FRMD3: variants seen among roughly 807,000 people sequenced by gnomAD.
The protein encoded by FRMD3 is FERM domain-containing protein 3.
In FRMD3, 33 loss-of-function variants were observed where a neutral mutation model predicts 70.2. The observed-to-expected ratio is 0.47, with a 90% CI of 0.36 to 0.63. The LOEUF (loss-of-function observed/expected upper bound fraction) is 0.63. FRMD3 is among the 20% of genes least tolerant of loss of function. FRMD3 has a pLI of 0.00. For missense variants in FRMD3, 632 were observed against 711.4 expected, an observed-to-expected ratio of 0.89 and a Z score of 1.27; for synonymous variants, 279 against 255.9, an observed-to-expected ratio of 1.09 and a Z score of -0.86.
the FRMD3 span, among the ~76,000 whole-genome samples, chr9:83,554,291 T>C: frequency 6.6e-6 from 1 of 152,216 alleles, no homozygotes; most frequent in Non-Finnish European, 1.5e-5. Context: ...CCTCTCCACC[T>C]TCAGTGCTGG....
At position 83,376,159 on chromosome 9, in the gene FRMD3, T is replaced by TA. The variant is rs58886156; in HGVS notation, c.253-3205dup. 7.5e-4 allele frequency among the ~76,000 whole-genome samples: 97 copies of TA among 129,566 alleles called. 1 individual carries two copies. The highest frequency in any genetic ancestry group is 4.7e-3 in the East Asian group (21 of 4,462). 85.0% of individuals were successfully genotyped at this position (129,566 alleles called of 152,430 possible). On this transcript the variant is annotated intron_variant, in intron 2 of 13. Coordinates refer to ENST00000304195, the MANE Select transcript of FRMD3 (RefSeq NM_174938.6). The stretch of plus-strand genomic sequence containing the variant: ...TGGGCCACAAGAGCAAGATTCTGTT[T>TA]AAAAAAAAAAAAAAAAGTTAAAAAA...
intron 5 of FRMD3, among the ~76,000 whole-genome samples, chr9:83,339,777 A>G (rs902017662): frequency 1.3e-5 from 2 of 152,284 alleles, no homozygotes; most frequent in African/African-American, 4.8e-5. Context: ...TTGTATTGCC[A>G]TGTGGCCCCC....
chr9:83,578,632 T>C, the FRMD3 span, among the ~76,000 whole-genome samples: 8 of 151,914 alleles, frequency 5.3e-5, no homozygotes, highest in Non-Finnish European at 1.0e-4. Context: ...CACTCTTTCA[T>C]GGTAAAAAAA....
rs201599383 is a variant in FRMD3, at chr9:83,301,525, T to TAAA, written c.927-2342_927-2340dup. 6.7e-4 allele frequency among the ~76,000 whole-genome samples: 95 copies of TAAA among 141,858 alleles called. 1 individual carries two copies. The highest frequency in any genetic ancestry group is 2.9e-3 in the South Asian group (13 of 4,480). The allele number at this position is 141,858 out of a possible 152,430, so 93.1% of individuals were successfully genotyped here. A position where few individuals can be genotyped will look rare whatever the true frequency, so the allele number is the denominator to read the frequency against. On this transcript the variant is annotated intron_variant, in intron 10 of 13. Transcript: ENST00000304195. ...GATCCTTGGGACAAAGTGGTTGGCT[T>TAAA]AAAAAAAAAAAAAGATTGAGTTTCT...
chr9:83,457,842 T>G (rs2131430641), intron 1 of FRMD3, among the ~76,000 whole-genome samples: 1 of 152,246 alleles, frequency 6.6e-6, no homozygotes, highest in South Asian at 2.1e-4. Context: ...ATGTTATCTT[T>G]ATTGTGGTAA....
intron 2 of FRMD3, among the ~76,000 whole-genome samples, chr9:83,378,835 A>T: frequency 7.7e-6 from 1 of 130,174 alleles, no homozygotes; most frequent in African/African-American, 3.4e-5. Flanking sequence ...ATAAATATAT[A>T]TACTATATAT....
chr9:83,432,288 T>A (rs1479452993), intron 1 of FRMD3, among the ~76,000 whole-genome samples: 5 of 152,366 alleles, frequency 3.3e-5, no homozygotes, highest in Non-Finnish European at 7.3e-5. Flanking sequence ...TCTACAGCTC[T>A]GGCCTTGCCA....
chr9:83,508,935 T>A (rs1267968877), intron 1 of FRMD3, among the ~76,000 whole-genome samples: 1 of 152,056 alleles, frequency 6.6e-6, no homozygotes, highest in Non-Finnish European at 1.5e-5. Flanking sequence ...TGCTCCAATA[T>A]CCCATTCCCA....
At chr9:83,403,359 G>T (rs1270475536) in intron 1 of FRMD3, among the ~76,000 whole-genome samples, 2 of 152,150 alleles carry the variant, frequency 1.3e-5, no homozygotes, top group African/African-American at 2.4e-5. Context: ...GGAGGAAAGA[G>T]AAATGGGAGA....
intron 1 of FRMD3, among the ~76,000 whole-genome samples, chr9:83,451,221 C>A (rs1241878686): frequency 6.6e-6 from 1 of 152,070 alleles, no homozygotes; most frequent in Non-Finnish European, 1.5e-5. Context: ...TTGTATTTTC[C>A]ATACTACACA....
intron 1 of FRMD3, among the ~76,000 whole-genome samples, chr9:83,519,767 G>C (rs1829531099): frequency 6.6e-6 from 1 of 152,198 alleles, no homozygotes. Flanking sequence ...TGTTAGACTT[G>C]ATAAAGAAAA....
intron 4 of FRMD3, 79 bp from the exon 5 acceptor site, chr9:83,343,366 C>A (rs1446213014): frequency 8.5e-6 from 8 of 936,176 alleles, no homozygotes; most frequent in African/African-American, 3.2e-5. Flanking sequence ...TGCTTAGCTC[C>A]CATGGTGACC....
chr9:83,318,583 C>T (rs1195824870), intron 6 of FRMD3, among the ~76,000 whole-genome samples: 1 of 151,930 alleles, frequency 6.6e-6, no homozygotes, highest in Non-Finnish European at 1.5e-5. Context: ...GTGAATAGTG[C>T]TGTAATAAAC....
chr9:83,436,439 C>T (rs1220922897), intron 1 of FRMD3, among the ~76,000 whole-genome samples: 1 of 141,730 alleles, frequency 7.1e-6, no homozygotes, highest in African/African-American at 2.7e-5. Context: ...TTTTCCTTTG[C>T]CAAATTTTAA....
At chr9:83,574,609 T>C in the FRMD3 span, among the ~76,000 whole-genome samples, 5 of 152,140 alleles carry the variant, frequency 3.3e-5, no homozygotes, top group African/African-American at 1.2e-4. Context: ...CTTCTTTGTA[T>C]CTATTTAAGG....
chr9:83,405,414 G>A (rs1826071566), intron 1 of FRMD3, among the ~76,000 whole-genome samples: 1 of 152,034 alleles, frequency 6.6e-6, no homozygotes, highest in Non-Finnish European at 1.5e-5. Flanking sequence ...TCCCCTAAAA[G>A]TTGCATCATG....
chr9:83,416,745 GTCTCTCTCTCTC>G lies in FRMD3; in HGVS notation c.148-27049_148-27038del, dbSNP rs1184226415. 3.5e-4 allele frequency among the ~76,000 whole-genome samples: 36 copies of G among 102,196 alleles called. 1 individual carries two copies. The highest frequency in any genetic ancestry group is 4.8e-4 in the Non-Finnish European group (25 of 51,752). The allele number at this position is 102,196 out of a possible 152,430, so 67.0% of individuals were successfully genotyped here. ...GGATGTCCCTAAAACATTTCTCTCT[GTCTCTCTCTCTC>G]TCTCTCTCTCTCTCTCTCTCTCTCT... is the stretch of plus-strand genomic sequence containing the variant. On this transcript the variant is annotated intron_variant, in intron 1 of 13. Transcript: ENST00000304195.
intron 1 of FRMD3, among the ~76,000 whole-genome samples, chr9:83,446,341 A>G (rs1827461052): frequency 2.0e-5 from 3 of 152,110 alleles, no homozygotes; most frequent in Non-Finnish European, 4.4e-5. Flanking sequence ...ACTATAACTG[A>G]CACTCGAAAA....
chr9:83,502,035 T>C (rs991884994), intron 1 of FRMD3, among the ~76,000 whole-genome samples: 2 of 152,222 alleles, frequency 1.3e-5, no homozygotes, highest in African/African-American at 4.8e-5. Context: ...TTTATCTAGT[T>C]ATGTGTCTTG....
Sources: allele counts gnomAD v4.1 joint callset (sites outside exome capture counted in the v4.1 genomes callset), GRCh38; gene constraint gnomAD v4.1.1; transcripts MANE v1.5; gene names NCBI Gene and HGNC (gene_info 2026-07-23, HGNC 2026-07-21).